CRPPA: variants seen among roughly 807,000 people sequenced by gnomAD.
CRPPA encodes D-ribitol-5-phosphate cytidylyltransferase.
In CRPPA, 43 loss-of-function variants were observed where a neutral mutation model predicts 52.0. The ratio of observed to expected loss-of-function variants is 0.83; its 90% CI spans 0.65 to 1.07. CRPPA has a LOEUF of 1.07. Among genes scored for constraint, CRPPA ranks in the 50% least tolerant of loss-of-function variants. The pLI is 0.00. For synonymous variants in CRPPA, 250 were observed against 203.5 expected (o/e 1.23, Z -1.94); for missense variants, 629 against 551.7 (o/e 1.14, Z -1.40).
chr7:16,405,317 A>AT (rs1461132653), intron 2 of CRPPA, among the ~76,000 whole-genome samples: 6 of 152,120 alleles, frequency 3.9e-5, no homozygotes, highest in Non-Finnish European at 1.5e-5. Context: ...TATTTTTTAT[A>AT]TTTTCACAGG....
At chr7:16,284,500 T>C (rs1303946823) in intron 5 of CRPPA, among the ~76,000 whole-genome samples, 2 of 152,208 alleles carry the variant, frequency 1.3e-5, no homozygotes, top group East Asian at 3.9e-4. Flanking sequence ...GTGCAAAATA[T>C]GATCAGTTTC....
Position 16,197,925 on chromosome 7 carries a change from G to A in CRPPA, c.1251+18141C>T, listed in dbSNP as rs555848920. Among the ~76,000 whole-genome samples, 425 of 148,460 alleles carry A rather than the reference G, an allele frequency of 2.9e-3. 14 individuals carry two copies. The highest frequency in any genetic ancestry group is 0.01 in the African/African-American group (408 of 39,992). On this transcript the variant is annotated intron_variant, in intron 9 of 9. Transcript: ENST00000407010. ...AAATGGATTAAGGGCGGTGCAGGAT[G>A]TGCTTTGTTAAACAGATGCTTGAAG...
chr7:16,391,107 C>A (rs1787431322), intron 2 of CRPPA, among the ~76,000 whole-genome samples: 1 of 152,288 alleles, frequency 6.6e-6, no homozygotes, highest in East Asian at 1.9e-4. Context: ...GCCTGTTTAA[C>A]ATTTCCACTT....
At chr7:16,263,578 C>T (rs1233471813) in intron 6 of CRPPA, among the ~76,000 whole-genome samples, 1 of 151,940 alleles carries the variant, frequency 6.6e-6, no homozygotes, top group South Asian at 2.1e-4. Flanking sequence ...ATGGTGAAAC[C>T]CCCGTCTCTA....
At chr7:16,385,673 C>T (rs117950903) in intron 2 of CRPPA, among the ~76,000 whole-genome samples, 40 of 152,282 alleles carry the variant, frequency 2.6e-4, no homozygotes, top group Non-Finnish European at 5.7e-4. Flanking sequence ...CATTAAAAAA[C>T]AAAGTGTACC....
At chr7:16,231,700 A>T (rs1918267) in intron 8 of CRPPA, among the ~76,000 whole-genome samples, 45,692 of 152,150 alleles carry the variant, frequency 0.3, 8,780 homozygotes, top group Admixed American at 0.41. Context: ...TGTAAAAATT[A>T]AACACTCAAA....
At chr7:16,405,689 G>A (rs2389633) in intron 2 of CRPPA, among the ~76,000 whole-genome samples, 24,059 of 151,938 alleles carry the variant, frequency 0.16, 2,176 homozygotes, top group Admixed American at 0.2. Context: ...AAACCACTTC[G>A]AAACTAACAC....
intron 9 of CRPPA, among the ~76,000 whole-genome samples, chr7:16,148,575 A>G (rs756120291): frequency 6.6e-6 from 1 of 152,106 alleles, no homozygotes; most frequent in Admixed American, 6.5e-5. Flanking sequence ...TGTAAGTGAG[A>G]GCTAAAACAA....
At chr7:16,386,580 G>A (rs916308801) in intron 2 of CRPPA, among the ~76,000 whole-genome samples, 1 of 152,122 alleles carries the variant, frequency 6.6e-6, no homozygotes, top group African/African-American at 2.4e-5. Context: ...ATTGAACTGT[G>A]TATATTTGAT....
chr7:16,105,670 C>G lies in CRPPA; in HGVS notation c.1252-13871G>C, dbSNP rs541290557. 3.3e-5 allele frequency among the ~76,000 whole-genome samples: 5 copies of G among 152,188 alleles called. No homozygotes were observed. The South Asian group carries it at 1.0e-3, about 32-fold the overall frequency. On this transcript the variant is annotated intron_variant, in intron 9 of 9. Coordinates refer to ENST00000407010, the MANE Select transcript of CRPPA (RefSeq NM_001101426.4). ...TCAACCTCATAACCCACCCACAAAG[C>G]TGAGCTGGTTGCCTTCAGAAGCCTG...
At chr7:16,118,533 A>T (rs2128369093) in intron 9 of CRPPA, among the ~76,000 whole-genome samples, 1 of 152,304 alleles carries the variant, frequency 6.6e-6, no homozygotes, top group African/African-American at 2.4e-5. Context: ...CAGAGGCACA[A>T]ATACCAATCC....
chr7:16,109,969 G>C (rs1782227747), intron 9 of CRPPA, among the ~76,000 whole-genome samples: 1 of 151,894 alleles, frequency 6.6e-6, no homozygotes, highest in African/African-American at 2.4e-5. Context: ...CCAAGAGAAA[G>C]AAATAAAAGA....
At chr7:16,373,413 C>T (rs546690546) in intron 3 of CRPPA, among the ~76,000 whole-genome samples, 1 of 152,296 alleles carries the variant, frequency 6.6e-6, no homozygotes, top group Non-Finnish European at 1.5e-5. Flanking sequence ...CTTTTATGAT[C>T]ATTCGTTTGA....
At chr7:16,402,130 G>T (rs909446520) in intron 2 of CRPPA, among the ~76,000 whole-genome samples, 2 of 152,144 alleles carry the variant, frequency 1.3e-5, no homozygotes, top group Non-Finnish European at 2.9e-5. Flanking sequence ...AAGGTAGCTG[G>T]GGCAGGGGAG....
intron 8 of CRPPA, among the ~76,000 whole-genome samples, chr7:16,244,308 C>G (rs1783208060): frequency 6.6e-6 from 1 of 152,090 alleles, no homozygotes; most frequent in South Asian, 2.1e-4. Flanking sequence ...TTCATGTAGT[C>G]AAGATCTCTG....
intron 6 of CRPPA, among the ~76,000 whole-genome samples, chr7:16,264,814 C>G (rs78681820): frequency 0.013 from 2,037 of 152,236 alleles, 45 homozygotes; most frequent in African/African-American, 0.046. Flanking sequence ...TTAGAATAAG[C>G]TTTTAAGCTT....
At chr7:16,337,791 C>T (rs1785724801) in intron 3 of CRPPA, among the ~76,000 whole-genome samples, 1 of 152,080 alleles carries the variant, frequency 6.6e-6, no homozygotes, top group Non-Finnish European at 1.5e-5. Context: ...CATTCCTAAA[C>T]ACAGACAACC....
chr7:16,371,517 TGA>T, intron 3 of CRPPA, among the ~76,000 whole-genome samples: 1 of 151,342 alleles, frequency 6.6e-6, no homozygotes, highest in South Asian at 2.1e-4. Context: ...GTCAGATCCT[TGA>T]AAGGGGAAAA....
intron 3 of CRPPA, among the ~76,000 whole-genome samples, chr7:16,347,604 G>C (rs975972763): frequency 1.3e-5 from 2 of 152,086 alleles, no homozygotes; most frequent in Admixed American, 1.3e-4. Flanking sequence ...TTCACCCATA[G>C]ACCCAGTGAA....
Sources: allele counts gnomAD v4.1 joint callset (sites outside exome capture counted in the v4.1 genomes callset), GRCh38; gene constraint gnomAD v4.1.1; transcripts MANE v1.5; gene names NCBI Gene and HGNC (gene_info 2026-07-23, HGNC 2026-07-21).